The following ENTREP2 variants were observed in gnomAD, a reference collection of about 807,000 sequenced individuals.
The protein encoded by ENTREP2 is protein ENTREP2.
At chr15:29,435,254 C>T in the ENTREP2 span, among the ~76,000 whole-genome samples, 3 of 152,134 alleles carry the variant, frequency 2.0e-5, no homozygotes, top group African/African-American at 7.2e-5. Flanking sequence ...GATCTGCATC[C>T]ACTCTGTGCT....
At chr15:29,469,073 C>G in the ENTREP2 span, among the ~76,000 whole-genome samples, 1 of 152,110 alleles carries the variant, frequency 6.6e-6, no homozygotes, top group Non-Finnish European at 1.5e-5. Context: ...TCCCGATAGC[C>G]CCCTTCCAGA....
the ENTREP2 span, among the ~76,000 whole-genome samples, chr15:29,539,085 G>C: frequency 6.6e-6 from 1 of 152,170 alleles, no homozygotes; most frequent in Non-Finnish European, 1.5e-5. Context: ...GAAACATCGG[G>C]AGACTGCCTT....
the ENTREP2 span, among the ~76,000 whole-genome samples, chr15:29,244,827 C>A: frequency 3.9e-5 from 6 of 152,266 alleles, no homozygotes; most frequent in African/African-American, 1.4e-4. Flanking sequence ...TGAAGCTCAG[C>A]AAATGGGGAG....
the ENTREP2 span, among the ~76,000 whole-genome samples, chr15:29,439,065 C>T: frequency 5.9e-5 from 9 of 151,996 alleles, no homozygotes; most frequent in Admixed American, 1.3e-4. Context: ...TAGTTCTGTC[C>T]CCTAATAGAG....
At chr15:29,415,133 TC>T in the ENTREP2 span, among the ~76,000 whole-genome samples, 9,143 of 151,398 alleles carry the variant, frequency 0.06, 350 homozygotes, top group Non-Finnish European at 0.082. Flanking sequence ...AAACAGTGAA[TC>T]CCCCCTAACT....
the ENTREP2 span, among the ~76,000 whole-genome samples, chr15:29,257,056 T>G: frequency 7.0e-6 from 1 of 143,638 alleles, no homozygotes; most frequent in African/African-American, 2.7e-5. Context: ...ATTTATTTAT[T>G]TATTTATTTA....
At chr15:29,123,105 C>T in the ENTREP2 span, 48 of 500,990 alleles carry the variant, frequency 9.6e-5, no homozygotes, top group Admixed American at 1.4e-4. Flanking sequence ...GTCATCTTTC[C>T]GAATTACTGG....
the ENTREP2 span, among the ~76,000 whole-genome samples, chr15:29,137,952 A>G: frequency 6.6e-6 from 1 of 152,116 alleles, no homozygotes; most frequent in Non-Finnish European, 1.5e-5. Flanking sequence ...CCCGTGGTCA[A>G]TCTGTGGGAA....
the ENTREP2 span, among the ~76,000 whole-genome samples, chr15:29,506,113 A>T: frequency 1.8e-4 from 27 of 152,146 alleles, no homozygotes; most frequent in African/African-American, 6.5e-4. Context: ...TTCGTGAAGC[A>T]TACACAAGTA....
At chr15:29,119,207 A>AGAC in the ENTREP2 span, among the ~76,000 whole-genome samples, 4 of 152,222 alleles carry the variant, frequency 2.6e-5, no homozygotes, top group African/African-American at 4.8e-5. Context: ...GTTCCATAGG[A>AGAC]GACTGTCACA....
At chr15:29,655,641 C>G in the ENTREP2 span, among the ~76,000 whole-genome samples, 1 of 152,024 alleles carries the variant, frequency 6.6e-6, no homozygotes, top group Non-Finnish European at 1.5e-5. Flanking sequence ...TGGAAAAATT[C>G]ACAACATACA....
the ENTREP2 span, among the ~76,000 whole-genome samples, chr15:29,406,237 T>C: frequency 6.6e-6 from 1 of 152,180 alleles, no homozygotes; most frequent in African/African-American, 2.4e-5. Flanking sequence ...ATCACAAACG[T>C]ATGTGAAAAA....
the ENTREP2 span, among the ~76,000 whole-genome samples, chr15:29,179,435 A>C: frequency 6.7e-4 from 102 of 152,342 alleles, no homozygotes; most frequent in African/African-American, 2.4e-3. Flanking sequence ...CCATGGTCTG[A>C]GCAATGGGAA....
the ENTREP2 span, among the ~76,000 whole-genome samples, chr15:29,435,709 ATG>A: frequency 3.3e-5 from 5 of 150,658 alleles, no homozygotes; most frequent in East Asian, 1.9e-4. Flanking sequence ...TATATACAAT[ATG>A]TGTGTGTGTG....
chr15:29,261,448 G>A, the ENTREP2 span, among the ~76,000 whole-genome samples: 2 of 152,174 alleles, frequency 1.3e-5, no homozygotes, highest in Non-Finnish European at 2.9e-5. Context: ...GGAGGCTGTA[G>A]CAGGAGGCTC....
chr15:29,379,530 T>C, the ENTREP2 span, among the ~76,000 whole-genome samples: 85 of 152,326 alleles, frequency 5.6e-4, no homozygotes, highest in African/African-American at 1.9e-3. Context: ...GAGAGCAGAC[T>C]GGCCCTGCTC....
chr15:29,544,522 T>A, the ENTREP2 span, among the ~76,000 whole-genome samples: 1 of 152,194 alleles, frequency 6.6e-6, no homozygotes, highest in Non-Finnish European at 1.5e-5. Context: ...CAATTAACAT[T>A]TTTTTCTTAA....
At chr15:29,399,910 C>G in the ENTREP2 span, among the ~76,000 whole-genome samples, 2 of 151,920 alleles carry the variant, frequency 1.3e-5, no homozygotes, top group Non-Finnish European at 2.9e-5. Context: ...TGAGTAGGCT[C>G]AGGAGGAGGA....
the ENTREP2 span, among the ~76,000 whole-genome samples, chr15:29,661,961 A>C: frequency 9.6e-4 from 146 of 152,292 alleles, no homozygotes; most frequent in African/African-American, 3.5e-3. Context: ...CTGTAATCCC[A>C]ACACTTTGGG....
Sources: gnomAD v4.1 joint callset for allele counts (sites outside exome capture counted in the v4.1 genomes callset) on GRCh38, gnomAD v4.1.1 for gene constraint, MANE v1.5 for transcripts, NCBI Gene and HGNC (gene_info 2026-07-23, HGNC 2026-07-21) for gene names.